The following KDM4C variants were observed in gnomAD, a reference collection of about 807,000 sequenced individuals.
KDM4C encodes lysine demethylase 4C, also known as lysine-specific demethylase 4C.
A neutral mutation model predicts 129.3 loss-of-function variants in KDM4C; 81 were observed. That is an observed-to-expected ratio of 0.63 (90% CI 0.52 to 0.75). KDM4C has a LOEUF of 0.75. KDM4C is among the 30% of genes least tolerant of loss of function. KDM4C has a pLI of 0.00. For missense variants in KDM4C, 1,457 were observed against 1,304.0 expected (o/e 1.12, Z -1.81); for synonymous variants, 573 against 456.1 (o/e 1.26, Z -3.26).
At chr9:7,165,072 C>G (rs1046896714) in intron 19 of KDM4C, among the ~76,000 whole-genome samples, 166 bp from the exon 20 acceptor site, 2 of 151,998 alleles carry the variant, frequency 1.3e-5, no homozygotes, top group African/African-American at 4.8e-5. Context: ...TCTTTAAATA[C>G]TCCTTTGGCT....
At chr9:7,092,229 G>T (rs1465281097) in intron 17 of KDM4C, among the ~76,000 whole-genome samples, 3 of 152,120 alleles carry the variant, frequency 2.0e-5, no homozygotes, top group African/African-American at 7.2e-5. Context: ...AATCACCACA[G>T]TAATCCTCTG....
intron 5 of KDM4C, among the ~76,000 whole-genome samples, chr9:6,860,823 A>T (rs1290847818): frequency 6.6e-6 from 1 of 152,160 alleles, no homozygotes; most frequent in Non-Finnish European, 1.5e-5. Context: ...GTGTTTCTCT[A>T]GATTGAGAAT....
chr9:6,877,262 G>A (rs144488637), intron 5 of KDM4C, among the ~76,000 whole-genome samples: 136 of 152,224 alleles, frequency 8.9e-4, no homozygotes, highest in Non-Finnish European at 1.7e-3. Context: ...GTGCAGTGGC[G>A]CCATCTCAGC....
chr9:6,817,037 A>G (rs1832229518), intron 4 of KDM4C, among the ~76,000 whole-genome samples: 1 of 152,086 alleles, frequency 6.6e-6, no homozygotes, highest in Admixed American at 6.6e-5. Flanking sequence ...GTCATATTGG[A>G]TGGAATGATG....
At chr9:7,044,636 G>A (rs1829123093) in intron 15 of KDM4C, among the ~76,000 whole-genome samples, 1 of 151,924 alleles carries the variant, frequency 6.6e-6, no homozygotes, top group South Asian at 2.1e-4. Context: ...AAACAGTCGG[G>A]GAGTACAGGC....
At position 6,726,334 on chromosome 9, in the gene KDM4C, A is replaced by G. The variant is rs1055174791; in HGVS notation, c.49+5337A>G. ...AATGTTTTGAAGGTTTTCTCGACTG[A>G]CTCAATGTGATCAAGAATCTCTAAT... is the stretch of plus-strand genomic sequence containing the variant. On this transcript the variant is annotated intron_variant, in intron 1 of 17. Coordinates refer to the KDM4C transcript ENST00000536108. Among the ~76,000 whole-genome samples, 3 of 152,110 alleles carry G rather than the reference A, an allele frequency of 2.0e-5. No homozygotes were observed. In the East Asian group the frequency reaches 5.8e-4, roughly 29 times the overall value.
At chr9:6,876,395 G>A (rs1021210497) in intron 5 of KDM4C, among the ~76,000 whole-genome samples, 1 of 152,154 alleles carries the variant, frequency 6.6e-6, no homozygotes, top group Admixed American at 6.5e-5. Flanking sequence ...CAGTCGATCT[G>A]TTCCGTGTTG....
intron 8 of KDM4C, among the ~76,000 whole-genome samples, chr9:6,953,816 A>G (rs1828593871): frequency 6.6e-6 from 1 of 152,216 alleles, no homozygotes; most frequent in South Asian, 2.1e-4. Flanking sequence ...CCAAACTTGA[A>G]TGGTATTCTC....
At chr9:7,073,773 A>G (rs557807819) in intron 17 of KDM4C, among the ~76,000 whole-genome samples, 1 of 152,166 alleles carries the variant, frequency 6.6e-6, no homozygotes, top group African/African-American at 2.4e-5. Context: ...TTAGCCTTGC[A>G]GGGCCCATCA....
chr9:7,127,935 A>T, intron 18 of KDM4C, 131 bp from the exon 19 acceptor site: 2 of 762,508 alleles, frequency 2.6e-6, no homozygotes, highest in Non-Finnish European at 1.9e-6. Flanking sequence ...CTTCAATATT[A>T]AGTTAAAAAT....
chr9:7,130,754 CT>C (rs973985010), intron 19 of KDM4C, among the ~76,000 whole-genome samples: 1 of 151,656 alleles, frequency 6.6e-6, no homozygotes, highest in Non-Finnish European at 1.5e-5. Flanking sequence ...ATAGTAATGT[CT>C]TTTTTTTCTT....
chr9:6,775,788 T>C lies in KDM4C; in HGVS notation c.-17-17184T>C, dbSNP rs146259866. ...CCGCCTGCCTCGGCCTCCCAAAGTG[T>C]TGGGATTACAGCATGAGCCACTGCG... On this transcript the variant is annotated intron_variant, in intron 1 of 21. Transcript: ENST00000381309. Among the ~76,000 whole-genome samples the C allele has an allele frequency of 3.6e-3, 543 of 152,214 alleles. 3 individuals are homozygous for C. The highest frequency in any genetic ancestry group is 0.013 in the African/African-American group (522 of 41,540).
At chr9:6,892,975 G>A (rs778255915) in intron 7 of KDM4C, 120 bp from the exon 8 acceptor site, 2 of 651,518 alleles carry the variant, frequency 3.1e-6, no homozygotes, top group South Asian at 4.5e-5. Context: ...AACTCTTTTT[G>A]GTAGTGCTCT....
chr9:7,166,362 A>G (rs1242716294), intron 20 of KDM4C, among the ~76,000 whole-genome samples: 2 of 152,332 alleles, frequency 1.3e-5, no homozygotes, highest in South Asian at 4.1e-4. Context: ...AAGAAGTTTG[A>G]AAAACTTAGG....
At chr9:7,127,693 G>A (rs1266220825) in intron 18 of KDM4C, among the ~76,000 whole-genome samples, 2 of 152,160 alleles carry the variant, frequency 1.3e-5, no homozygotes, top group Non-Finnish European at 1.5e-5. Context: ...ACCAACTGGA[G>A]TATAGATGGA....
chr9:6,990,850 G>C (rs140158150), intron 12 of KDM4C, among the ~76,000 whole-genome samples: 27 of 152,214 alleles, frequency 1.8e-4, no homozygotes, highest in Middle Eastern at 6.8e-3. Flanking sequence ...TAGAGTTAAC[G>C]TGCTGTAGGT....
At chr9:6,934,041 G>A (rs113123336) in intron 8 of KDM4C, among the ~76,000 whole-genome samples, 38,863 of 151,548 alleles carry the variant, frequency 0.26, 5,408 homozygotes, top group South Asian at 0.4. Flanking sequence ...GTAGAGATGG[G>A]GTTTCACCAT....
At chr9:7,131,189 C>T (rs1037881132) in intron 19 of KDM4C, among the ~76,000 whole-genome samples, 13 of 152,114 alleles carry the variant, frequency 8.5e-5, no homozygotes, top group African/African-American at 2.4e-4. Flanking sequence ...AATCTCTTGC[C>T]TTCTTGGTTC....
intron 17 of KDM4C, among the ~76,000 whole-genome samples, chr9:7,087,937 G>A (rs377463420): frequency 1.3e-5 from 2 of 152,206 alleles, no homozygotes; most frequent in Non-Finnish European, 2.9e-5. Flanking sequence ...TATGGAGAAC[G>A]CCGATTTGTA....
Sources: allele counts gnomAD v4.1 joint callset (sites outside exome capture counted in the v4.1 genomes callset), GRCh38; gene constraint gnomAD v4.1.1; transcripts MANE v1.5; gene names NCBI Gene and HGNC (gene_info 2026-07-23, HGNC 2026-07-21).